Variants in PTK2 observed in about 807,000 individuals in gnomAD.
The protein encoded by PTK2 is focal adhesion kinase 1.
In PTK2, 45 loss-of-function variants were observed where a neutral mutation model predicts 150.1. That is an observed-to-expected ratio of 0.30 (90% CI 0.24 to 0.38). The LOEUF (loss-of-function observed/expected upper bound fraction) is 0.38, where lower values mean the gene tolerates loss of function less well. PTK2 is among the 10% of genes least tolerant of loss of function. The pLI is 1.00. For missense variants in PTK2, 919 were observed against 1,307.3 expected, an observed-to-expected ratio of 0.70 and a Z score of 4.58; for synonymous variants, 432 against 449.2, an observed-to-expected ratio of 0.96 and a Z score of 0.48.
intron 1 of PTK2, among the ~76,000 whole-genome samples, chr8:140,982,534 T>C (rs903178684): frequency 2.0e-5 from 3 of 151,660 alleles, no homozygotes; most frequent in Admixed American, 1.3e-4. Context: ...GAGGCGGAGG[T>C]TGCAGTGAGC....
intron 4 of PTK2, among the ~76,000 whole-genome samples, chr8:140,868,659 G>A (rs1464852240): frequency 2.6e-5 from 4 of 152,132 alleles, no homozygotes; most frequent in Admixed American, 2.6e-4. Flanking sequence ...ATGACATCTT[G>A]ACTGCAGCCG....
At chr8:140,700,547 G>C (rs1318429748) in intron 26 of PTK2, among the ~76,000 whole-genome samples, 1 of 150,484 alleles carries the variant, frequency 6.6e-6, no homozygotes, top group African/African-American at 2.5e-5. Flanking sequence ...GCAATGGCAT[G>C]ATCTCGGCTC....
intron 1 of PTK2, among the ~76,000 whole-genome samples, chr8:140,998,434 C>T (rs552259624): frequency 1.3e-5 from 2 of 152,062 alleles, no homozygotes; most frequent in African/African-American, 4.8e-5. Flanking sequence ...GGACAGTTTT[C>T]AAAATTATTT....
exon 32 of PTK2, chr8:140,659,278 C>A: frequency 9.2e-6 from 5 of 545,954 alleles, no homozygotes; most frequent in East Asian, 3.1e-5. Flanking sequence ...AAAAACAAAA[C>A]AAAAAATGAA....
intron 23 of PTK2, among the ~76,000 whole-genome samples, chr8:140,717,336 T>C (rs2100040248): frequency 6.6e-6 from 1 of 152,102 alleles, no homozygotes; most frequent in African/African-American, 2.4e-5. Flanking sequence ...TAGGGCAGCA[T>C]AGGAAAAGCA....
At chr8:140,850,009 T>C (rs1384903252) in intron 5 of PTK2, among the ~76,000 whole-genome samples, 3 of 152,152 alleles carry the variant, frequency 2.0e-5, no homozygotes, top group Non-Finnish European at 4.4e-5. Flanking sequence ...CATATGCATC[T>C]CCTGAGGTAT....
At chr8:140,771,479 T>C (rs893541292) in intron 14 of PTK2, 4 of 152,282 alleles carry the variant, frequency 2.6e-5, no homozygotes, top group East Asian at 1.9e-4. Flanking sequence ...AGTATGGTAA[T>C]GGCAATAGTG....
intron 8 of PTK2, among the ~76,000 whole-genome samples, chr8:140,830,175 T>C (rs1423115238): frequency 6.6e-6 from 1 of 152,202 alleles, no homozygotes; most frequent in East Asian, 1.9e-4. Context: ...CATGTCAAAA[T>C]ATTTTAGCCT....
chr8:140,994,123 TTAAA>T (rs1208348736), intron 1 of PTK2, among the ~76,000 whole-genome samples: 6 of 152,214 alleles, frequency 3.9e-5, no homozygotes, highest in African/African-American at 1.2e-4. Flanking sequence ...AGGATTTCAA[TTAAA>T]TAAAATTTAA....
chr8:140,859,128 G>A (rs963616182), intron 5 of PTK2, among the ~76,000 whole-genome samples: 4 of 152,180 alleles, frequency 2.6e-5, no homozygotes, highest in African/African-American at 9.7e-5. Context: ...CAGGAATAGA[G>A]AAGTCTATGG....
chr8:140,747,980 G>A (rs1005033520), intron 17 of PTK2, among the ~76,000 whole-genome samples: 5 of 152,108 alleles, frequency 3.3e-5, no homozygotes, highest in African/African-American at 1.2e-4. Context: ...ATTGCTGGGG[G>A]AGGAGGTGAA....
At position 140,896,788 on chromosome 8, in the gene PTK2, C is replaced by CGGGGGG. The variant is rs60747008; in HGVS notation, c.-32-6025_-32-6020dup. On this transcript the variant is annotated intron_variant, in intron 2 of 31. Coordinates refer to ENST00000522684, the Ensembl canonical transcript of PTK2. The stretch of plus-strand genomic sequence containing the variant: ...ACGCCCCCCCTTCCCCCCAAAAAAA[C>CGGGGGG]GGGGGGGGGGGGTGGGTAAAACATA... Among the ~76,000 whole-genome samples, 107 of 67,260 alleles carry CGGGGGG rather than the reference C, an allele frequency of 1.6e-3. 4 individuals are homozygous for CGGGGGG. Among genetic ancestry groups the CGGGGGG allele is most frequent in the East Asian group, 4.5e-3 (9 of 2,010 alleles). 44.1% of individuals were successfully genotyped at this position (67,260 alleles called of 152,430 possible).
intron 14 of PTK2, among the ~76,000 whole-genome samples, chr8:140,769,121 G>C (rs750888534): frequency 1.3e-5 from 2 of 152,066 alleles, no homozygotes; most frequent in Non-Finnish European, 2.9e-5. Context: ...TATCATTATT[G>C]CTGATATTTC....
chr8:140,981,900 G>C (rs1232667731), intron 1 of PTK2, among the ~76,000 whole-genome samples: 1 of 152,014 alleles, frequency 6.6e-6, no homozygotes, highest in Non-Finnish European at 1.5e-5. Context: ...CTTCCTCCAG[G>C]TTCTCAGAGC....
rs576198274 is a variant in PTK2 at position 140,840,060 on chromosome 8, T to C, written c.593+6200A>G. ...AGCATACCAGAAGGGTGGTCTGAGATACAAAAATGGTTATTTTAAGCAAGG... is the reference window on the plus strand; with the variant it reads ...AGCATACCAGAAGGGTGGTCTGAGACACAAAAATGGTTATTTTAAGCAAGG... On this transcript the variant is annotated intron_variant, in intron 7 of 31. Transcript: ENST00000522684. 8.5e-5 allele frequency among the ~76,000 whole-genome samples: 13 copies of C among 152,288 alleles called. No homozygotes were observed. The East Asian group carries it at 2.3e-3, about 27-fold the overall frequency.
At chr8:140,893,660 T>C (rs973465799) in intron 2 of PTK2, among the ~76,000 whole-genome samples, 1 of 152,146 alleles carries the variant, frequency 6.6e-6, no homozygotes, top group Non-Finnish European at 1.5e-5. Flanking sequence ...TGCTAATAGA[T>C]AAGGAGTTTC....
At chr8:140,675,120 T>A (rs2100012846) in intron 28 of PTK2, among the ~76,000 whole-genome samples, 1 of 150,414 alleles carries the variant, frequency 6.6e-6, no homozygotes, top group African/African-American at 2.4e-5. Flanking sequence ...TGCCTACTGC[T>A]GTTCTTACAA....
At chr8:140,983,539 G>A (rs1348705468) in intron 1 of PTK2, among the ~76,000 whole-genome samples, 1 of 152,112 alleles carries the variant, frequency 6.6e-6, no homozygotes, top group Non-Finnish European at 1.5e-5. Context: ...TCTTTAATGT[G>A]TAAGAAAAGC....
At chr8:140,983,380 CAAAAAAAAA>C (rs34040387) in intron 1 of PTK2, among the ~76,000 whole-genome samples, 14 of 78,536 alleles carry the variant, frequency 1.8e-4, no homozygotes, top group Admixed American at 5.2e-4. Context: ...GACTCCATCT[CAAAAAAAAA>C]AAAAAAAAAA....
Sources: allele counts gnomAD v4.1 joint callset (sites outside exome capture counted in the v4.1 genomes callset), GRCh38; gene constraint gnomAD v4.1.1; transcripts MANE v1.5; gene names NCBI Gene and HGNC (gene_info 2026-07-23, HGNC 2026-07-21).